The following CSMD1 variants were observed in gnomAD, a reference collection of about 807,000 sequenced individuals.
CSMD1 encodes CUB and sushi domain-containing protein 1.
CSMD1 carries 213 observed loss-of-function variants against 417.5 expected under a neutral mutation model. That is an observed-to-expected ratio of 0.51 (90% CI 0.46 to 0.57). The LOEUF (loss-of-function observed/expected upper bound fraction) is 0.57, where lower values mean the gene tolerates loss of function less well. CSMD1 is among the 20% of genes least tolerant of loss of function. The probability of loss-of-function intolerance (pLI) is 0.00; values close to 1 mark genes in which losing one functional copy is unlikely to be tolerated. For missense variants in CSMD1, 6,923 were observed against 4,529.7 expected, an observed-to-expected ratio of 1.53 and a Z score of -15.17; for synonymous variants, 2,862 against 1,736.8, an observed-to-expected ratio of 1.65 and a Z score of -16.11.
At chr8:4,505,806 A>AT (rs770475982) in intron 2 of CSMD1, among the ~76,000 whole-genome samples, 2,895 of 144,984 alleles carry the variant, frequency 0.02, 92 homozygotes, top group East Asian at 0.088. Context: ...CATGTTCAAT[A>AT]TTTTTTTTTT....
chr8:4,592,266 G>C (rs1052180234), intron 2 of CSMD1, among the ~76,000 whole-genome samples: 1 of 151,124 alleles, frequency 6.6e-6, no homozygotes, highest in African/African-American at 2.4e-5. Flanking sequence ...GTGTCCAGGA[G>C]GGTATTACAG....
intron 28 of CSMD1, among the ~76,000 whole-genome samples, chr8:3,221,620 G>C (rs905498346): frequency 6.6e-6 from 1 of 151,784 alleles, no homozygotes; most frequent in Non-Finnish European, 1.5e-5. Flanking sequence ...ATGCGTAGAA[G>C]TCTGGAGTGA....
intron 3 of CSMD1, among the ~76,000 whole-genome samples, chr8:4,352,024 C>T (rs951209101): frequency 8.8e-5 from 13 of 148,126 alleles, no homozygotes; most frequent in South Asian, 4.3e-4. Flanking sequence ...CAATGCTGAT[C>T]GTTTAAGTTC....
At chr8:4,678,389 C>A (rs913422211) in intron 1 of CSMD1, among the ~76,000 whole-genome samples, 3 of 151,774 alleles carry the variant, frequency 2.0e-5, no homozygotes, top group Non-Finnish European at 4.4e-5. Flanking sequence ...CCAGCCTGGG[C>A]AACAGAGCAA....
At chr8:4,785,485 G>A (rs1365717096) in intron 1 of CSMD1, among the ~76,000 whole-genome samples, 2 of 152,118 alleles carry the variant, frequency 1.3e-5, no homozygotes, top group African/African-American at 2.4e-5. Flanking sequence ...CTCAAGACCA[G>A]CAGAGACTTA....
chr8:3,005,031 C>T (rs748110783), intron 52 of CSMD1, among the ~76,000 whole-genome samples: 4 of 152,038 alleles, frequency 2.6e-5, no homozygotes, highest in Non-Finnish European at 4.4e-5. Context: ...CCCAGCTGCT[C>T]GGGAGGCTGA....
intron 31 of CSMD1, among the ~76,000 whole-genome samples, chr8:3,203,152 G>A (rs1797078766): frequency 6.6e-6 from 1 of 152,136 alleles, no homozygotes; most frequent in Admixed American, 6.6e-5. Flanking sequence ...AGGAGGGAAG[G>A]GGATAGTAAC....
At chr8:3,167,620 G>A (rs1007601963) in intron 37 of CSMD1, among the ~76,000 whole-genome samples, 2 of 152,172 alleles carry the variant, frequency 1.3e-5, no homozygotes, top group African/African-American at 4.8e-5. Flanking sequence ...ATGTAAAATT[G>A]CAATTAGATG....
intron 41 of CSMD1, among the ~76,000 whole-genome samples, chr8:3,137,687 C>G (rs990177209): frequency 2.0e-5 from 3 of 152,164 alleles, no homozygotes; most frequent in African/African-American, 7.2e-5. Flanking sequence ...GAACACAAAG[C>G]AAATGCCGTG....
intron 3 of CSMD1, among the ~76,000 whole-genome samples, chr8:4,174,613 T>C (rs535029211): frequency 2.7e-5 from 4 of 148,072 alleles, no homozygotes; most frequent in East Asian, 2.0e-4. Flanking sequence ...TCTTTTATAA[T>C]AATTAAAACA....
chr8:4,283,112 C>G (rs1332286932), intron 3 of CSMD1, among the ~76,000 whole-genome samples: 2 of 152,118 alleles, frequency 1.3e-5, no homozygotes, highest in Non-Finnish European at 2.9e-5. Flanking sequence ...TTAGAAATTA[C>G]TACCAGTAAT....
chr8:4,300,669 T>A, intron 3 of CSMD1, among the ~76,000 whole-genome samples: 1 of 152,276 alleles, frequency 6.6e-6, no homozygotes, highest in East Asian at 1.9e-4. Flanking sequence ...TATCTCCTAA[T>A]GCTATCTCTC....
intron 5 of CSMD1, among the ~76,000 whole-genome samples, chr8:3,851,776 G>C (rs747815434): frequency 2.0e-5 from 3 of 152,180 alleles, no homozygotes; most frequent in Non-Finnish European, 4.4e-5. Flanking sequence ...ATAAGGAAGT[G>C]ACCACAAGTC....
chr8:4,247,887 G>C (rs558222539), intron 3 of CSMD1, among the ~76,000 whole-genome samples: 3 of 152,192 alleles, frequency 2.0e-5, no homozygotes, highest in East Asian at 3.9e-4. Context: ...AATTTTTCTT[G>C]AGGGATAAAT....
chr8:3,189,879 T>C, intron 34 of CSMD1, 33 bp downstream of exon 34: 1 of 1,536,310 alleles, frequency 6.5e-7, no homozygotes, highest in South Asian at 1.2e-5. Context: ...ACCACAGAGT[T>C]CTGGCGGGCA....
intron 4 of CSMD1, among the ~76,000 whole-genome samples, chr8:4,023,458 G>C (rs935720329): frequency 1.3e-5 from 2 of 152,122 alleles, no homozygotes; most frequent in African/African-American, 2.4e-5. Context: ...ACTCTGGGTT[G>C]AGTAGCATTA....
chr8:4,751,753 T>G (rs752705980), intron 1 of CSMD1, among the ~76,000 whole-genome samples: 1 of 152,184 alleles, frequency 6.6e-6, no homozygotes, highest in Non-Finnish European at 1.5e-5. Context: ...AGGAGCTTGG[T>G]GTCTGACATT....
chr8:4,543,078 T>C (rs1470392777), intron 2 of CSMD1, among the ~76,000 whole-genome samples: 1 of 152,202 alleles, frequency 6.6e-6, no homozygotes, highest in Non-Finnish European at 1.5e-5. Flanking sequence ...ATGCCTCCCA[T>C]AGTTTTCCCT....
intron 12 of CSMD1, among the ~76,000 whole-genome samples, chr8:3,430,762 A>G (rs572476567): frequency 6.6e-6 from 1 of 152,286 alleles, no homozygotes; most frequent in Admixed American, 6.5e-5. Flanking sequence ...AGCAGCGATC[A>G]TGGCCCTGAA....
Sources: allele counts gnomAD v4.1 joint callset (sites outside exome capture counted in the v4.1 genomes callset), GRCh38; gene constraint gnomAD v4.1.1; transcripts MANE v1.5; gene names NCBI Gene and HGNC (gene_info 2026-07-23, HGNC 2026-07-21).